ACSL5: variants seen among roughly 807,000 people sequenced by gnomAD.
The protein encoded by ACSL5 is long-chain-fatty-acid--CoA ligase 5.
In ACSL5, 50 loss-of-function variants were observed where a neutral mutation model predicts 84.9. The ratio of observed to expected loss-of-function variants is 0.59; its 90% CI spans 0.47 to 0.75. The LOEUF is 0.75. Ranked by LOEUF, ACSL5 falls within the 30% of genes least tolerant of loss-of-function variation. The pLI, the probability that ACSL5 is intolerant of heterozygous loss-of-function variation, is 0.00. For missense variants in ACSL5, 775 were observed against 830.4 expected (o/e 0.93, Z 0.82); for synonymous variants, 280 against 300.7 (o/e 0.93, Z 0.71).
At chr10:112,376,295 C>T (rs752922649) in intron 1 of ACSL5, 8 of 1,614,084 alleles carry the variant, frequency 5.0e-6, no homozygotes, top group South Asian at 1.1e-5. Context: ...CACTCTGGGC[C>T]GGCCTTCTGC....
At chr10:112,405,113 T>C (rs1423237114) in intron 5 of ACSL5, among the ~76,000 whole-genome samples, 1 of 152,182 alleles carries the variant, frequency 6.6e-6, no homozygotes, top group Non-Finnish European at 1.5e-5. Context: ...CCAAATAAGA[T>C]CTTGAAGATA....
intron 3 of ACSL5, 94 bp from the exon 4 acceptor site, chr10:112,404,417 C>A (rs867192496): frequency 2.5e-5 from 23 of 909,026 alleles, no homozygotes; most frequent in Middle Eastern, 6.0e-4. Context: ...TGGACTTACC[C>A]TTTGTGTCTT....
chr10:112,426,507 T>C (rs1016028230), intron 19 of ACSL5, 148 bp downstream of exon 19: 8 of 652,656 alleles, frequency 1.2e-5, no homozygotes, highest in Non-Finnish European at 1.6e-5. Context: ...ATGGAGAGTT[T>C]AAAAAATAAA....
At chr10:112,421,353 G>A (rs1319499542) in intron 14 of ACSL5, among the ~76,000 whole-genome samples, 1 of 151,660 alleles carries the variant, frequency 6.6e-6, no homozygotes, top group Non-Finnish European at 1.5e-5. Context: ...TAGAGATGGG[G>A]TTTCACCATG....
At position 112,401,791 on chromosome 10, in the gene ACSL5, T is replaced by C. The variant is rs138133821; in HGVS notation, c.266-2720T>C. Among the ~76,000 whole-genome samples the C allele has an allele frequency of 7.0e-3, 357 of 51,196 alleles. 3 individuals are homozygous for C. Among genetic ancestry groups the C allele is most frequent in the African/African-American group, 0.028 (339 of 11,934 alleles). 33.6% of individuals were successfully genotyped at this position (51,196 alleles called of 152,430 possible). ...TTCTTTCTTTTTCTTTCTTTCTCTT[T>C]CTTTCTTTCTTTCTTTCTTTCTTTC... On this transcript the variant is annotated intron_variant, in intron 3 of 20. Transcript: ENST00000354655.
At chr10:112,377,535 A>G (rs1203947652) in intron 1 of ACSL5, among the ~76,000 whole-genome samples, 1 of 152,224 alleles carries the variant, frequency 6.6e-6, no homozygotes, top group Non-Finnish European at 1.5e-5. Flanking sequence ...CTCTGGCTCA[A>G]AAACAACACA....
chr10:112,418,230 G>A (rs1299963127), intron 14 of ACSL5, among the ~76,000 whole-genome samples: 9 of 152,094 alleles, frequency 5.9e-5, no homozygotes, highest in Non-Finnish European at 1.2e-4. Context: ...GTTGACCCTT[G>A]AACAATGCAA....
At chr10:112,392,813 C>G (rs574530970) in intron 1 of ACSL5, among the ~76,000 whole-genome samples, 32 of 151,220 alleles carry the variant, frequency 2.1e-4, no homozygotes, top group African/African-American at 7.8e-4. Context: ...TATTCAGGAG[C>G]CTGAGGTGGG....
intron 1 of ACSL5, among the ~76,000 whole-genome samples, chr10:112,377,632 A>G (rs1849266783): frequency 6.6e-6 from 1 of 152,210 alleles, no homozygotes; most frequent in Non-Finnish European, 1.5e-5. Context: ...CTCCCTTCAT[A>G]TTCTGATATG....
At chr10:112,381,732 G>A (rs1849355270) in intron 1 of ACSL5, among the ~76,000 whole-genome samples, 1 of 151,700 alleles carries the variant, frequency 6.6e-6, no homozygotes, top group South Asian at 2.1e-4. Context: ...ACTTTGGGAG[G>A]TCGAGGTGGG....
At position 112,416,893 on chromosome 10, in the gene ACSL5, A is replaced by G. The variant is rs773026792; in HGVS notation, c.1089A>G (p.Gln363=). ...AAGGAGCTATCACTCTGCAGGTACA[A>G]AATGAGGCCAAGACACCCTTGAAGA... is the stretch of plus-strand genomic sequence containing the variant. ...RLLNRIYDKV[Q]NEAKTPLKKF... Residue 363 remains glutamine (Q), a synonymous_variant, in exon 13 of 21, where the codon CAA becomes CAG. Transcript: ENST00000354655. The G allele has an allele frequency of 1.7e-5, 27 of 1,613,958 alleles. No individual in the cohort carries two copies. The highest frequency in any genetic ancestry group is 5.0e-5 in the Admixed American group (3 of 60,004).
At chr10:112,425,594 C>CAAAA in intron 18 of ACSL5, 113 bp downstream of exon 18, 1 of 427,196 alleles carries the variant, frequency 2.3e-6, no homozygotes, top group East Asian at 5.0e-5. Context: ...GCTTATAAAA[C>CAAAA]TAAAAAAAAA....
intron 3 of ACSL5, among the ~76,000 whole-genome samples, chr10:112,401,947 T>C (rs956588428): frequency 7.8e-5 from 11 of 140,470 alleles, no homozygotes; most frequent in Admixed American, 1.5e-4. Flanking sequence ...TTCTCTTTCT[T>C]TCTCTCTCTC....
Position 112,426,293 on chromosome 10 carries a change from T to A in ACSL5, c.1773T>A (p.Asp591Glu). The change falls in exon 19 of 21, where the codon GAT becomes GAA. Residue 591 changes from aspartate (D) to glutamate (E), a missense_variant. By Grantham distance (45) the Asp-to-Glu change is conservative. Transcript: ENST00000354655. ...SLVGVVVPDT[D>E]VLPSFAAKLG... ...TAGGAGTGGTGGTTCCTGACACAGATGTACTTCCCTCATTTGCAGCCAAGC... is the reference window on the plus strand; with the variant it reads ...TAGGAGTGGTGGTTCCTGACACAGAAGTACTTCCCTCATTTGCAGCCAAGC... 1 of 1,614,184 alleles carries A rather than the reference T, an allele frequency of 6.2e-7. No individual in the cohort carries two copies.
intron 3 of ACSL5, among the ~76,000 whole-genome samples, chr10:112,403,793 C>T (rs1589686191): frequency 6.6e-6 from 1 of 152,228 alleles, no homozygotes; most frequent in South Asian, 2.1e-4. Context: ...TTAAAAGGAT[C>T]AATTTGAAAA....
chr10:112,415,193 T>A lies in ACSL5; in HGVS notation c.1084-1695T>A, dbSNP rs1408862669. Among the ~76,000 whole-genome samples, 31 of 152,324 alleles carry A rather than the reference T, an allele frequency of 2.0e-4. No individual in the cohort carries two copies. The South Asian group carries it at 6.2e-3, about 31-fold the overall frequency. ...ACACAGTTCACTTCTGGAATGTATT[T>A]TTTTTTTGTTTTGTTTTTGTTTTTG... On this transcript the variant is annotated intron_variant, in intron 12 of 20. Coordinates refer to ENST00000354655, the MANE Select transcript of ACSL5 (RefSeq NM_203379.2).
chr10:112,401,066 T>G (rs1343300579), intron 3 of ACSL5, among the ~76,000 whole-genome samples: 1 of 151,828 alleles, frequency 6.6e-6, no homozygotes, highest in Non-Finnish European at 1.5e-5. Context: ...CATAGAAAAA[T>G]GATAGCCAGG....
Position 112,398,355 on chromosome 10 carries a change from G to T in ACSL5, c.157-546G>T, listed in dbSNP as rs1312348230. On this transcript the variant is annotated intron_variant, in intron 2 of 20. Transcript: ENST00000354655. ...GCTGGGATTACAGGCGTGAGCCACCGCGCCCGGCCACAGATCCACTTTTCT... is the reference window on the plus strand; with the variant it reads ...GCTGGGATTACAGGCGTGAGCCACCTCGCCCGGCCACAGATCCACTTTTCT... Among the ~76,000 whole-genome samples, 2 of 148,914 alleles carry T rather than the reference G, an allele frequency of 1.3e-5. 1 individual carries two copies. The highest frequency in any genetic ancestry group is 3.0e-5 in the Non-Finnish European group (2 of 67,196).
rs74502057 is a variant in ACSL5 at position 112,397,076 on chromosome 10, G to T, written c.157-1825G>T. ...AGAGTTGGACCACTGGACCACACCC[G>T]CAGCACCTGTTGTAGCTCCAGGGTC... On this transcript the variant is annotated intron_variant, in intron 2 of 20. Transcript: ENST00000354655. 9.3e-3 allele frequency among the ~76,000 whole-genome samples: 1,411 copies of T among 152,064 alleles called. 18 individuals carry two copies. Among genetic ancestry groups the T allele is most frequent in the African/African-American group, 0.032 (1,344 of 41,456 alleles).
Sources: allele counts gnomAD v4.1 joint callset (sites outside exome capture counted in the v4.1 genomes callset), GRCh38; gene constraint gnomAD v4.1.1; transcripts MANE v1.5; gene names NCBI Gene and HGNC (gene_info 2026-07-23, HGNC 2026-07-21).